Variants in SYN3 observed in about 807,000 individuals in gnomAD.
The protein encoded by SYN3 is synapsin-3.
SYN3 carries 35 observed loss-of-function variants against 65.8 expected under a neutral mutation model. That is an observed-to-expected ratio of 0.53 (90% CI 0.41 to 0.70). SYN3 has a LOEUF of 0.70. SYN3 is among the 30% of genes least tolerant of loss of function. The pLI, the probability that SYN3 is intolerant of heterozygous loss-of-function variation, is 0.00. For missense variants in SYN3, 680 were observed against 749.0 expected (o/e 0.91, Z 1.08); for synonymous variants, 270 against 292.9 (o/e 0.92, Z 0.80).
chr22:32,717,533 T>C (rs2061055446), intron 6 of SYN3, among the ~76,000 whole-genome samples: 1 of 152,078 alleles, frequency 6.6e-6, no homozygotes, highest in Non-Finnish European at 1.5e-5. Flanking sequence ...GGACCAGGTC[T>C]GGCAGTCTCA....
rs575909045 is a variant in SYN3, at chr22:33,029,928, G to A, written c.-162-23104C>T. Reference sequence around the variant, plus strand: ...CCTGACCCTCACACAGCAGGTTCACGTCTCTGTTCCCTCTCTTGGCATGCC... The same window carrying A: ...CCTGACCCTCACACAGCAGGTTCACATCTCTGTTCCCTCTCTTGGCATGCC... On this transcript the variant is annotated intron_variant, in intron 1 of 13. Transcript: ENST00000358763. 7.9e-5 allele frequency among the ~76,000 whole-genome samples: 12 copies of A among 152,250 alleles called. No homozygotes were observed. In the Middle Eastern group the frequency reaches 0.01, roughly 129 times the overall value.
At chr22:32,897,417 A>G (rs2049625689) in intron 4 of SYN3, among the ~76,000 whole-genome samples, 2 of 152,176 alleles carry the variant, frequency 1.3e-5, no homozygotes. Context: ...CCTGAAGCAG[A>G]TTCTCAGTCA....
chr22:32,786,030 A>T (rs1015602934), intron 6 of SYN3, among the ~76,000 whole-genome samples: 3 of 151,356 alleles, frequency 2.0e-5, no homozygotes, highest in Non-Finnish European at 4.4e-5. Flanking sequence ...AAAAAAAAAT[A>T]CAGCATTCTA....
At chr22:32,998,078 C>A (rs1246703187) in intron 2 of SYN3, among the ~76,000 whole-genome samples, 3 of 151,482 alleles carry the variant, frequency 2.0e-5, no homozygotes, top group Non-Finnish European at 2.9e-5. Context: ...GTTTGATTGT[C>A]ACACCCCCAA....
chr22:33,029,157 T>C (rs2053703488), intron 1 of SYN3, among the ~76,000 whole-genome samples: 1 of 147,734 alleles, frequency 6.8e-6, no homozygotes, highest in Admixed American at 6.8e-5. Context: ...ATGAGGACAC[T>C]GAGGTCCAAA....
intron 6 of SYN3, among the ~76,000 whole-genome samples, chr22:32,686,193 A>G (rs1299095628): frequency 6.6e-6 from 1 of 152,080 alleles, no homozygotes; most frequent in African/African-American, 2.4e-5. Context: ...GATTTGAGTT[A>G]CTCTCTTATC....
intron 4 of SYN3, among the ~76,000 whole-genome samples, chr22:32,882,540 G>A (rs1361284362): frequency 6.6e-6 from 1 of 152,100 alleles, no homozygotes; most frequent in Non-Finnish European, 1.5e-5. Context: ...CCTGACAGTT[G>A]CCCTTTGAAG....
intron 6 of SYN3, among the ~76,000 whole-genome samples, chr22:32,759,413 C>T (rs370999749): frequency 7.9e-5 from 12 of 152,242 alleles, no homozygotes; most frequent in African/African-American, 2.6e-4. Context: ...CCATGAAAAT[C>T]GTGGTCCTGC....
At chr22:32,705,416 G>A (rs1214600224) in intron 6 of SYN3, among the ~76,000 whole-genome samples, 1 of 152,032 alleles carries the variant, frequency 6.6e-6, no homozygotes, top group Non-Finnish European at 1.5e-5. Flanking sequence ...TCGTCCACAT[G>A]CCTATTTTTG....
chr22:32,549,626 C>T (rs73172143), intron 7 of SYN3, among the ~76,000 whole-genome samples: 12 of 152,226 alleles, frequency 7.9e-5, no homozygotes, highest in Middle Eastern at 3.4e-3. Context: ...AGGCTGGGTG[C>T]GCAGGCTCAC....
intron 7 of SYN3, among the ~76,000 whole-genome samples, chr22:32,567,160 G>A (rs910477519): frequency 6.6e-6 from 1 of 152,148 alleles, no homozygotes; most frequent in Non-Finnish European, 1.5e-5. Context: ...GGGCCCTGCT[G>A]GGGTTGGAGA....
intron 1 of SYN3, among the ~76,000 whole-genome samples, chr22:33,008,924 C>CAAAAAAAAAAAAA (rs201719238): frequency 1.1e-4 from 6 of 57,092 alleles, no homozygotes; most frequent in African/African-American, 1.3e-4. Context: ...GACTTTATCT[C>CAAAAAAAAAAAAA]AAAAAAAAAA....
At chr22:32,874,945 A>T (rs1376547455) in intron 4 of SYN3, among the ~76,000 whole-genome samples, 1 of 152,216 alleles carries the variant, frequency 6.6e-6, no homozygotes, top group Non-Finnish European at 1.5e-5. Context: ...GGAATTCAAA[A>T]CATTGAAACA....
rs557700250 is a variant in SYN3 at position 32,899,673 on chromosome 22, G to A, written c.462-30548C>T. On this transcript the variant is annotated intron_variant, in intron 4 of 13. Transcript: ENST00000358763. ...GAAACACCACATATAATAAGGCCTG[G>A]AGTTAAAATGCTGGGTTCTTGTCCT... is the stretch of plus-strand genomic sequence containing the variant. Among the ~76,000 whole-genome samples the A allele has an allele frequency of 3.3e-3, 504 of 152,288 alleles. 1 individual carries two copies. The highest frequency in any genetic ancestry group is 4.5e-3 in the Non-Finnish European group (308 of 68,022).
chr22:32,687,206 C>T (rs2060602631), intron 6 of SYN3, among the ~76,000 whole-genome samples: 1 of 58 alleles, frequency 0.017, no homozygotes, highest in African/African-American at 0.062. Context: ...CTCTGCCGCC[C>T]AGGTGGAGTG....
intron 2 of SYN3, among the ~76,000 whole-genome samples, chr22:32,995,296 A>C (rs1395043414): frequency 6.6e-6 from 1 of 152,188 alleles, no homozygotes; most frequent in Non-Finnish European, 1.5e-5. Context: ...TGCCCTCCAT[A>C]AGCAGAGAGG....
At chr22:33,003,224 G>A (rs1287640419) in intron 2 of SYN3, among the ~76,000 whole-genome samples, 2 of 152,186 alleles carry the variant, frequency 1.3e-5, no homozygotes, top group African/African-American at 4.8e-5. Context: ...CAGAGAGTGG[G>A]ATGCTTCTGT....
intron 3 of SYN3, among the ~76,000 whole-genome samples, chr22:32,969,839 A>G (rs1272408589): frequency 6.6e-6 from 1 of 152,246 alleles, no homozygotes; most frequent in African/African-American, 2.4e-5. Flanking sequence ...AGTCTGTGCT[A>G]TCTACTATCA....
At chr22:32,663,836 G>C (rs1365389069) in intron 6 of SYN3, among the ~76,000 whole-genome samples, 4 of 152,120 alleles carry the variant, frequency 2.6e-5, no homozygotes, top group African/African-American at 9.7e-5. Context: ...TACCTAGAAT[G>C]ATATTAAATA....
Sources: allele counts gnomAD v4.1 joint callset (sites outside exome capture counted in the v4.1 genomes callset), GRCh38; gene constraint gnomAD v4.1.1; transcripts MANE v1.5; gene names NCBI Gene and HGNC (gene_info 2026-07-23, HGNC 2026-07-21).